CCSER1: variants seen among roughly 807,000 people sequenced by gnomAD.
CCSER1 encodes serine-rich coiled-coil domain-containing protein 1.
CCSER1 carries 41 observed loss-of-function variants against 82.0 expected under a neutral mutation model. The ratio of observed to expected loss-of-function variants is 0.50; its 90% CI spans 0.39 to 0.65. CCSER1 has a LOEUF of 0.65. CCSER1 is among the 30% of genes least tolerant of loss of function. CCSER1 has a pLI of 0.00. For missense variants in CCSER1, 1,119 were observed against 1,064.2 expected, an observed-to-expected ratio of 1.05 and a Z score of -0.72; for synonymous variants, 414 against 383.9, an observed-to-expected ratio of 1.08 and a Z score of -0.92.
At chr4:91,523,517 G>A (rs1255123134) in intron 10 of CCSER1, among the ~76,000 whole-genome samples, 1 of 152,078 alleles carries the variant, frequency 6.6e-6, no homozygotes, top group African/African-American at 2.4e-5. Flanking sequence ...ACTTCTTTTT[G>A]TTGGTAGGCT....
At chr4:90,648,666 T>G (rs1253475431) in intron 6 of CCSER1, among the ~76,000 whole-genome samples, 3 of 152,206 alleles carry the variant, frequency 2.0e-5, no homozygotes, top group Non-Finnish European at 4.4e-5. Flanking sequence ...ATGCACCATC[T>G]GCAAGCCAAG....
intron 3 of CCSER1, among the ~76,000 whole-genome samples, chr4:90,326,450 C>T (rs560729897): frequency 1.3e-5 from 2 of 151,746 alleles, no homozygotes; most frequent in Admixed American, 6.6e-5. Context: ...TTATTTTACT[C>T]GTGCTAAAAG....
intron 5 of CCSER1, among the ~76,000 whole-genome samples, chr4:90,470,698 T>C (rs1049528927): frequency 1.3e-5 from 2 of 150,468 alleles, no homozygotes; most frequent in African/African-American, 2.5e-5. Flanking sequence ...GCCACTGGGA[T>C]TGATTTTCAT....
intron 6 of CCSER1, among the ~76,000 whole-genome samples, chr4:90,713,881 T>A (rs1394816359): frequency 6.6e-6 from 1 of 152,074 alleles, no homozygotes; most frequent in East Asian, 1.9e-4. Flanking sequence ...CCTGTCTTAT[T>A]TCAAAAAGAT....
At chr4:90,130,551 G>A (rs371565455) in intron 1 of CCSER1, among the ~76,000 whole-genome samples, 31 of 152,274 alleles carry the variant, frequency 2.0e-4, no homozygotes, top group East Asian at 1.9e-3. Context: ...TATAAATTAA[G>A]ATATTGCTGG....
intron 10 of CCSER1, among the ~76,000 whole-genome samples, chr4:91,214,581 C>T (rs972928528): frequency 5.9e-5 from 9 of 152,098 alleles, no homozygotes; most frequent in African/African-American, 1.9e-4. Context: ...TACTTGTGAG[C>T]AGACTCTATT....
At chr4:91,381,020 G>A (rs1750848424) in intron 10 of CCSER1, among the ~76,000 whole-genome samples, 1 of 152,106 alleles carries the variant, frequency 6.6e-6, no homozygotes, top group Admixed American at 6.6e-5. Flanking sequence ...TATTTTGGCT[G>A]GTTATGAAAT....
intron 5 of CCSER1, among the ~76,000 whole-genome samples, chr4:90,470,912 C>G (rs533350919): frequency 5.5e-4 from 84 of 152,054 alleles, no homozygotes; most frequent in Middle Eastern, 6.8e-3. Flanking sequence ...GTTGATGTTG[C>G]ATGACAAGCC....
intron 1 of CCSER1, among the ~76,000 whole-genome samples, chr4:90,141,836 G>C (rs1408516918): frequency 6.6e-6 from 1 of 152,172 alleles, no homozygotes; most frequent in Non-Finnish European, 1.5e-5. Context: ...TGTAAAATAG[G>C]ATCCTGAAAG....
chr4:91,003,775 G>A (rs958863529), intron 9 of CCSER1, among the ~76,000 whole-genome samples: 5 of 152,100 alleles, frequency 3.3e-5, no homozygotes, highest in South Asian at 2.1e-4. Context: ...AAAAAAGTTC[G>A]ACTGGAAATT....
intron 6 of CCSER1, among the ~76,000 whole-genome samples, chr4:90,715,371 G>C (rs1380832606): frequency 6.6e-6 from 1 of 151,966 alleles, no homozygotes; most frequent in Non-Finnish European, 1.5e-5. Flanking sequence ...GAAGGGATGA[G>C]CTGGGTTATT....
At chr4:91,587,658 G>A (rs988732786) in intron 10 of CCSER1, among the ~76,000 whole-genome samples, 2 of 151,632 alleles carry the variant, frequency 1.3e-5, no homozygotes, top group African/African-American at 2.4e-5. Flanking sequence ...AAAATGGCTG[G>A]CATGTACAAT....
At chr4:91,524,654 C>T (rs1760678772) in intron 10 of CCSER1, among the ~76,000 whole-genome samples, 1 of 152,106 alleles carries the variant, frequency 6.6e-6, no homozygotes, top group Non-Finnish European at 1.5e-5. Context: ...GCAGTAGTAG[C>T]TCTTAGATTC....
chr4:90,503,573 C>G (rs1341276625), intron 5 of CCSER1, among the ~76,000 whole-genome samples: 1 of 152,112 alleles, frequency 6.6e-6, no homozygotes, highest in Non-Finnish European at 1.5e-5. Context: ...TCCCTCAACC[C>G]CATAACAGGC....
At chr4:91,265,955 C>T (rs1741538427) in intron 10 of CCSER1, among the ~76,000 whole-genome samples, 1 of 152,080 alleles carries the variant, frequency 6.6e-6, no homozygotes, top group Non-Finnish European at 1.5e-5. Context: ...AAAGGCACTT[C>T]TTACATGGCA....
chr4:90,700,208 A>G (rs1438057261), intron 6 of CCSER1, among the ~76,000 whole-genome samples: 1 of 151,988 alleles, frequency 6.6e-6, no homozygotes, highest in African/African-American at 2.4e-5. Flanking sequence ...TCATTGCTCA[A>G]TTCCCACCTA....
chr4:90,508,063 T>A (rs907645229), intron 5 of CCSER1, among the ~76,000 whole-genome samples: 10 of 152,082 alleles, frequency 6.6e-5, no homozygotes, highest in African/African-American at 2.2e-4. Context: ...CATGTGTGAA[T>A]CTGGTTTCAT....
chr4:91,183,748 G>T lies in CCSER1; in HGVS notation c.2217+97754G>T, dbSNP rs185963344. Among the ~76,000 whole-genome samples, 23 of 152,250 alleles carry T rather than the reference G, an allele frequency of 1.5e-4. No homozygotes were observed. The East Asian group carries it at 4.1e-3, about 27-fold the overall frequency. On this transcript the variant is annotated intron_variant, in intron 10 of 10. Transcript: ENST00000509176. ...GAAAAAATTAGCAAATCTGGAGTCTGCTCTGGATCTATTCTATTTATTTGA... is the reference window on the plus strand; with the variant it reads ...GAAAAAATTAGCAAATCTGGAGTCTTCTCTGGATCTATTCTATTTATTTGA...
At chr4:91,383,901 G>T (rs1751101222) in intron 10 of CCSER1, among the ~76,000 whole-genome samples, 1 of 152,094 alleles carries the variant, frequency 6.6e-6, no homozygotes, top group Admixed American at 6.6e-5. Flanking sequence ...CCACAAAAAA[G>T]ACAAATTTTT....
Sources: gnomAD v4.1 joint callset for allele counts (sites outside exome capture counted in the v4.1 genomes callset) on GRCh38, gnomAD v4.1.1 for gene constraint, MANE v1.5 for transcripts, NCBI Gene and HGNC (gene_info 2026-07-23, HGNC 2026-07-21) for gene names.